The following GRIK5 variants were observed in gnomAD, a reference collection of about 807,000 sequenced individuals.
GRIK5 encodes the protein glutamate ionotropic receptor kainate type subunit 5, also known as glutamate receptor ionotropic, kainate 5.
GRIK5 carries 43 observed loss-of-function variants against 97.4 expected under a neutral mutation model. The ratio of observed to expected loss-of-function variants is 0.44; its 90% CI spans 0.35 to 0.57. The LOEUF is 0.57. Among genes scored for constraint, GRIK5 ranks in the 20% least tolerant of loss-of-function variants. The pLI is 0.01. For synonymous variants in GRIK5, 580 were observed against 583.5 expected, an observed-to-expected ratio of 0.99 and a Z score of 0.09; for missense variants, 1,015 against 1,382.0, an observed-to-expected ratio of 0.73 and a Z score of 4.21.
chr19:42,043,522 C>T (rs1372806726), intron 11 of GRIK5, among the ~76,000 whole-genome samples: 1 of 151,316 alleles, frequency 6.6e-6, no homozygotes, highest in African/African-American at 2.4e-5. Flanking sequence ...TCTCCTGCCT[C>T]ACCCCCGCCA....
chr19:42,057,076 C>T (rs1416709008), intron 6 of GRIK5, 98 bp from the exon 7 acceptor site: 2 of 889,570 alleles, frequency 2.2e-6, no homozygotes, highest in Non-Finnish European at 3.7e-6. Context: ...TAGAGACAGC[C>T]CTGGTGAGAA....
chr19:42,008,415 C>T (rs2075520094), intron 15 of GRIK5, among the ~76,000 whole-genome samples: 3 of 152,200 alleles, frequency 2.0e-5, no homozygotes, highest in Admixed American at 1.3e-4. Context: ...TTGCTTGAGG[C>T]CAGGAGTTCA....
At chr19:42,000,537 C>T (rs1276795570) in intron 19 of GRIK5, among the ~76,000 whole-genome samples, 6 of 152,206 alleles carry the variant, frequency 3.9e-5, no homozygotes, top group African/African-American at 1.4e-4. Flanking sequence ...GGACACATCG[C>T]ATCACGTGCA....
chr19:42,054,675 T>G (rs886436555), intron 8 of GRIK5, among the ~76,000 whole-genome samples: 4 of 152,072 alleles, frequency 2.6e-5, no homozygotes, highest in Non-Finnish European at 5.9e-5. Context: ...GTGTGTGTGC[T>G]TCCCATGTCT....
In GRIK5 at chr19:42,059,848, A is replaced by G. The variant is rs1024528995; in HGVS notation, c.509-321T>C. 3.3e-5 allele frequency among the ~76,000 whole-genome samples: 5 copies of G among 152,080 alleles called. 1 individual carries two copies. Among genetic ancestry groups the G allele is most frequent in the Non-Finnish European group, 7.4e-5 (5 of 68,014 alleles). ...CCACGGCTTCCCCATGTTGGTGAAC[A>G]GCATCTCTAGTGTGCCAGTCGCTCA... On this transcript the variant is annotated intron_variant, in intron 5 of 19. Transcript: ENST00000593562.
chr19:42,054,317 C>T lies in GRIK5; in HGVS notation c.1056+3G>A. 1 of 1,605,828 alleles carries T rather than the reference C, an allele frequency of 6.2e-7. No individual in the cohort carries two copies. The highest frequency in any genetic ancestry group is 8.5e-7 in the Non-Finnish European group (1 of 1,174,884). On this transcript the variant is annotated splice_donor_region_variant and intron_variant, in intron 9 of 19. Transcript: ENST00000593562. The stretch of plus-strand genomic sequence containing the variant: ...TCCTCCACCCATCCCCGCTCGGGCT[C>T]ACCATGCGCAGGTAGTTCATGAGGC...
chr19:42,003,305 G>GGGCCCCCCCC lies in GRIK5; in HGVS notation c.2514+26_2514+27insGGGGGGGGCC. On this transcript the variant is annotated intron_variant, in intron 19 of 19. Transcript: ENST00000593562. The surrounding 1 kb of genome is among the most constrained non-coding windows in gnomAD (Gnocchi z 4.2). ...TCAGCCCCTGGGGGTCCCTGTTCCT[G>GGGCCCCCCCC]CCCACCCCCACCCCCAGCCTCCTCA... 4.5e-6 allele frequency: 7 copies of GGGCCCCCCCC among 1,540,742 alleles called. No individual in the cohort carries two copies. The highest frequency in any genetic ancestry group is 2.2e-5 in the South Asian group (2 of 88,930).
chr19:42,006,883 T>C lies in GRIK5; in HGVS notation c.1872-73A>G, dbSNP rs1555872851. 13 of 1,162,200 alleles carry C rather than the reference T, an allele frequency of 1.1e-5. No homozygotes were observed. The East Asian group carries it at 3.0e-4, about 27-fold the overall frequency. The allele number at this position is 1,162,200 out of a possible 1,614,324, so 72.0% of individuals were successfully genotyped here. ...CCTGCCCCCGTGGCCATGCCCCCCA[T>C]TGGTGGTGCCCCTCCCAAGTGACCC... is the stretch of plus-strand genomic sequence containing the variant. On this transcript the variant is annotated intron_variant, in intron 15 of 19. Transcript: ENST00000593562. The surrounding 1 kb of genome is among the most constrained non-coding windows in gnomAD (Gnocchi z 5.3).
chr19:42,021,932 AG>A lies in GRIK5; in HGVS notation c.1697+14del, dbSNP rs1231379360. 1.9e-6 allele frequency: 3 copies of A among 1,569,998 alleles called. No homozygotes were observed. Among genetic ancestry groups the A allele is most frequent in the African/African-American group, 2.7e-5 (2 of 73,970 alleles). ...CTCCTCCAGCCCCTTCCTTCCCAGTAGGCAGTGGACTCACCTGGCAGCCAGA... is the reference window on the plus strand; with the variant it reads ...CTCCTCCAGCCCCTTCCTTCCCAGTAGCAGTGGACTCACCTGGCAGCCAGA... On this transcript the variant is annotated intron_variant, in intron 14 of 19. Transcript: ENST00000593562. The surrounding 1 kb of genome is among the most constrained non-coding windows in gnomAD (Gnocchi z 4.2).
In GRIK5 at chr19:42,062,543, T is replaced by C. The variant is rs1381721976; in HGVS notation, c.453A>G (p.Arg151=). The C allele has an allele frequency of 6.2e-7, 1 of 1,614,116 alleles. No individual in the cohort carries two copies. The highest frequency in any genetic ancestry group is 8.5e-7 in the Non-Finnish European group (1 of 1,180,010). Reference sequence around the variant, plus strand: ...AGGGGTAGTTGAAGGACTTGAGGATTCGGGAGACCGCCAAGCTGACGTCCT... The same window carrying C: ...AGGGGTAGTTGAAGGACTTGAGGATCCGGGAGACCGCCAAGCTGACGTCCT... ...SNEDVSLAVS[R]ILKSFNYPSA... The change falls in exon 5 of 20, where the codon CGA becomes CGG. Residue 151 remains arginine (R), a synonymous_variant. Transcript: ENST00000593562. The surrounding 1 kb of genome is among the most constrained non-coding windows in gnomAD (Gnocchi z 5.3).
intron 11 of GRIK5, among the ~76,000 whole-genome samples, chr19:42,051,652 AC>A (rs1367792994): frequency 6.6e-6 from 1 of 152,124 alleles, no homozygotes; most frequent in Non-Finnish European, 1.5e-5. Flanking sequence ...GTTCTAACCC[AC>A]ATCTTGCCCT....
Position 42,065,137 on chromosome 19 carries a change from G to A in GRIK5, c.244+86C>T. ...GAGGATGGAGCTAGAAGAGGACAAG[G>A]CCAGGCCAGAGGCCAGGGGCAGAGG... is the stretch of plus-strand genomic sequence containing the variant. On this transcript the variant is annotated intron_variant, in intron 3 of 19. Transcript: ENST00000593562. The surrounding 1 kb of genome is among the most constrained non-coding windows in gnomAD (Gnocchi z 5.8). The A allele has an allele frequency of 5.0e-6, 6 of 1,196,826 alleles. No homozygotes were observed. Among genetic ancestry groups the A allele is most frequent in the Non-Finnish European group, 7.1e-6 (6 of 843,360 alleles). 74.1% of individuals were successfully genotyped at this position (1,196,826 alleles called of 1,614,324 possible). A position where few individuals can be genotyped will look rare whatever the true frequency, so the allele number is the denominator to read the frequency against.
chr19:42,018,343 AAG>A (rs1412580454), intron 15 of GRIK5, among the ~76,000 whole-genome samples: 1 of 147,486 alleles, frequency 6.8e-6, no homozygotes, highest in African/African-American at 2.6e-5. Context: ...AAGAAAAGAA[AAG>A]AAAAGAAATA....
At chr19:42,011,025 T>C (rs990914139) in intron 15 of GRIK5, among the ~76,000 whole-genome samples, 3 of 151,680 alleles carry the variant, frequency 2.0e-5, no homozygotes, top group African/African-American at 4.8e-5. Context: ...CAGGCTGGTG[T>C]TGGACGCCTG....
At chr19:42,018,620 C>T (rs1182524634) in intron 15 of GRIK5, among the ~76,000 whole-genome samples, 2 of 132,646 alleles carry the variant, frequency 1.5e-5, no homozygotes, top group Non-Finnish European at 3.0e-5. Context: ...GATCGTGCCA[C>T]AGCACTCCAG....
At chr19:42,036,514 T>C (rs897497120) in intron 12 of GRIK5, among the ~76,000 whole-genome samples, 3 of 152,016 alleles carry the variant, frequency 2.0e-5, no homozygotes, top group Non-Finnish European at 4.4e-5. Context: ...GCCACCACAC[T>C]TGGCTAAATT....
intron 3 of GRIK5, among the ~76,000 whole-genome samples, chr19:42,064,767 C>T (rs1568933400): frequency 6.6e-6 from 1 of 152,230 alleles, no homozygotes; most frequent in African/African-American, 2.4e-5. Flanking sequence ...ATCAGTATTC[C>T]ATAGACACTT....
chr19:42,057,095 A>C (rs1244371770), intron 6 of GRIK5, 117 bp from the exon 7 acceptor site: 7 of 762,556 alleles, frequency 9.2e-6, no homozygotes, highest in Non-Finnish European at 1.4e-5. Flanking sequence ...AAGACACTCC[A>C]TGGGAAACAC....
chr19:42,067,784 C>T (rs2076358281), intron 1 of GRIK5, among the ~76,000 whole-genome samples: 1 of 152,064 alleles, frequency 6.6e-6, no homozygotes. Context: ...AGTGAGAGAG[C>T]AAGAGACAGA....
Sources: gnomAD v4.1 joint callset for allele counts (sites outside exome capture counted in the v4.1 genomes callset) on GRCh38, gnomAD v4.1.1 for gene constraint, Gnocchi (gnomAD v3.1) non-coding constraint, MANE v1.5 for transcripts, NCBI Gene and HGNC (gene_info 2026-07-23, HGNC 2026-07-21) for gene names.